ITPR2: variants seen among roughly 807,000 people sequenced by gnomAD.
The protein encoded by ITPR2 is inositol 1,4,5-trisphosphate-gated calcium channel ITPR2.
Under a neutral mutation model 317.1 loss-of-function variants are expected in ITPR2, and 207 were observed. The ratio of observed to expected loss-of-function variants is 0.65; its 90% CI spans 0.58 to 0.73. The LOEUF is 0.73. ITPR2 is among the 30% of genes least tolerant of loss of function. ITPR2 has a pLI of 0.00. For missense variants in ITPR2, 2,613 were observed against 3,284.0 expected, an observed-to-expected ratio of 0.80 and a Z score of 4.99; for synonymous variants, 1,156 against 1,149.1, an observed-to-expected ratio of 1.01 and a Z score of -0.12.
intron 34 of ITPR2, among the ~76,000 whole-genome samples, chr12:26,563,687 C>T (rs1404434938): frequency 6.6e-6 from 1 of 152,182 alleles, no homozygotes; most frequent in Non-Finnish European, 1.5e-5. Context: ...TCTGCCTCTG[C>T]TATACACACA....
At position 26,477,001 on chromosome 12, in the gene ITPR2, C is replaced by T. The variant is rs754299805; in HGVS notation, c.6130G>A (p.Ala2044Thr). The change falls in exon 44 of 57, where the codon GCA (alanine) becomes ACA (threonine). Residue 2044 changes from alanine to threonine, a missense_variant. Ala to Thr is a moderately conservative substitution (Grantham distance 58, BLOSUM62 0). Around this residue, in one of 9 missense-constraint regions of ITPR2, gnomAD observed 926 missense variants for 1,072.8 expected, o/e 0.86. Transcript: ENST00000381340. Reference sequence around the variant, plus strand: ...ATAATGGCCAGCAAAAGTTTAGATGCATTGTTCTAGAGACACAGATTGAGT... The same window carrying T: ...ATAATGGCCAGCAAAAGTTTAGATGTATTGTTCTAGAGACACAGATTGAGT... ...MDLVLQLKNNASKLLLAIMES... is the reference protein window; with the variant it reads ...MDLVLQLKNNTSKLLLAIMES... The T allele has an allele frequency of 6.2e-7, 1 of 1,605,766 alleles. No individual in the cohort carries two copies. The highest frequency in any genetic ancestry group is 8.5e-7 in the Non-Finnish European group (1 of 1,172,620).
intron 11 of ITPR2, among the ~76,000 whole-genome samples, chr12:26,685,852 C>A (rs937970872): frequency 6.6e-6 from 1 of 152,156 alleles, no homozygotes; most frequent in East Asian, 1.9e-4. Flanking sequence ...TCATTCAGAT[C>A]GTTATTCAAA....
chr12:26,795,810 C>G (rs1377363309), intron 1 of ITPR2, among the ~76,000 whole-genome samples: 1 of 152,076 alleles, frequency 6.6e-6, no homozygotes, highest in Non-Finnish European at 1.5e-5. Flanking sequence ...ATAGCAAAAC[C>G]CTATCGCTAC....
chr12:26,552,708 T>TTTTTTAA (rs1489868642), intron 36 of ITPR2, among the ~76,000 whole-genome samples: 161 of 152,334 alleles, frequency 1.1e-3, no homozygotes, highest in African/African-American at 3.6e-3. Context: ...GCAACACTTT[T>TTTTTTAA]TTTTTAATTT....
At chr12:26,414,920 G>A (rs1229156143) in intron 51 of ITPR2, among the ~76,000 whole-genome samples, 1 of 152,084 alleles carries the variant, frequency 6.6e-6, no homozygotes, top group African/African-American at 2.4e-5. Context: ...GATCAAACAT[G>A]TATGGAATAA....
Position 26,567,988 on chromosome 12 carries a change from ATATATATATTATATATATTATATATAT to A in ITPR2, c.4631-6063_4631-6037del, listed in dbSNP as rs1945040218. ...TATATATTATATATATTATATATAT[ATATATATATTATATATATTATATATAT>A]ATATATATATATATATAAAATGTCA... On this transcript the variant is annotated intron_variant, in intron 34 of 56. Transcript: ENST00000381340. 7.3e-4 allele frequency among the ~76,000 whole-genome samples: 82 copies of A among 111,856 alleles called. 8 individuals carry two copies. The highest frequency in any genetic ancestry group is 2.5e-3 in the African/African-American group (65 of 25,956). The allele number at this position is 111,856 out of a possible 152,430, so 73.4% of individuals were successfully genotyped here. A position where few individuals can be genotyped will look rare whatever the true frequency, so the allele number is the denominator to read the frequency against.
intron 47 of ITPR2, among the ~76,000 whole-genome samples, chr12:26,436,785 G>A (rs189059560): frequency 6.6e-6 from 1 of 152,182 alleles, no homozygotes; most frequent in East Asian, 1.9e-4. Flanking sequence ...CAAACCCATA[G>A]CACAGATATA....
chr12:26,789,378 T>G (rs539190816), intron 2 of ITPR2, among the ~76,000 whole-genome samples: 1 of 152,250 alleles, frequency 6.6e-6, no homozygotes, highest in Non-Finnish European at 1.5e-5. Context: ...CAATCTTCAC[T>G]TGGGCTGGTG....
At chr12:26,440,278 T>C (rs1370743184) in intron 46 of ITPR2, among the ~76,000 whole-genome samples, 1 of 152,146 alleles carries the variant, frequency 6.6e-6, no homozygotes, top group African/African-American at 2.4e-5. Context: ...GTTGTTGTTG[T>C]TGTTTTGGTT....
At position 26,384,182 on chromosome 12, in the gene ITPR2, C is replaced by G. The variant is rs534409073; in HGVS notation, c.7857+3252G>C. Among the ~76,000 whole-genome samples, 6 of 152,314 alleles carry G rather than the reference C, an allele frequency of 3.9e-5. No homozygotes were observed. The East Asian group carries it at 5.8e-4, about 15-fold the overall frequency. ...TTTGAACTGAACTGTAGATGTGCTT[C>G]AACTTTCCACGTGCTACAAAATCTT... On this transcript the variant is annotated intron_variant, in intron 55 of 56. Transcript: ENST00000381340.
intron 5 of ITPR2, among the ~76,000 whole-genome samples, chr12:26,717,520 A>G (rs1326739890): frequency 2.6e-5 from 4 of 152,240 alleles, no homozygotes; most frequent in Non-Finnish European, 5.9e-5. Flanking sequence ...CATCACGTCC[A>G]TAAGAAGTCA....
intron 55 of ITPR2, among the ~76,000 whole-genome samples, chr12:26,360,953 C>G (rs1262789738): frequency 6.6e-6 from 1 of 152,072 alleles, no homozygotes; most frequent in African/African-American, 2.4e-5. Context: ...ATGGCTCACG[C>G]CTGTAATCCC....
chr12:26,391,723 C>T (rs902523525), intron 54 of ITPR2, among the ~76,000 whole-genome samples: 21 of 151,758 alleles, frequency 1.4e-4, no homozygotes, highest in African/African-American at 5.1e-4. Flanking sequence ...TGCCACCACG[C>T]CCAATTAATT....
intron 37 of ITPR2, among the ~76,000 whole-genome samples, chr12:26,549,587 A>T (rs1316909403): frequency 1.3e-5 from 2 of 152,138 alleles, no homozygotes; most frequent in East Asian, 3.8e-4. Flanking sequence ...AGCTAAAAAA[A>T]ATTCTCTAGA....
chr12:26,492,459 C>CAAA (rs11300033), intron 39 of ITPR2, among the ~76,000 whole-genome samples: 22 of 142,602 alleles, frequency 1.5e-4, no homozygotes, highest in Admixed American at 5.6e-4. Context: ...TGCCCCCCAC[C>CAAA]AAAAAAAAAA....
chr12:26,711,237 G>T lies in ITPR2; in HGVS notation c.887C>A (p.Ala296Glu). The T allele has an allele frequency of 6.2e-7, 1 of 1,613,684 alleles. No homozygotes were observed. The highest frequency in any genetic ancestry group is 2.2e-5 in the East Asian group (1 of 44,848). ...VVHHDPCRGG[A>E]GQWNSLFRFK... Reference sequence around the variant, plus strand: ...TCTGAACAAGCTGTTCCACTGTCCTGCACCCCCACGGCATGGGTCATGATG... The same window carrying T: ...TCTGAACAAGCTGTTCCACTGTCCTTCACCCCCACGGCATGGGTCATGATG... The change falls in exon 9 of 57, where the codon GCA becomes GAA. Residue 296 changes from alanine to glutamate, a missense_variant. Physicochemically the swap from Ala to Glu is moderately radical, Grantham distance 107. This residue lies in a region of ITPR2 where 515 missense variants were observed against 789.4 expected (regional missense o/e 0.65). Transcript: ENST00000381340.
At chr12:26,451,188 G>A (rs1941731961) in intron 45 of ITPR2, among the ~76,000 whole-genome samples, 2 of 152,168 alleles carry the variant, frequency 1.3e-5, no homozygotes, top group African/African-American at 4.8e-5. Flanking sequence ...AAATGTGGCA[G>A]TGGACAGAAA....
intron 2 of ITPR2, among the ~76,000 whole-genome samples, chr12:26,756,087 G>A (rs775182189): frequency 6.6e-6 from 1 of 152,110 alleles, no homozygotes. Context: ...TATTCTTGCT[G>A]CACTTATACA....
Position 26,575,041 on chromosome 12 carries a change from C to T in ITPR2, c.4630+3672G>A, listed in dbSNP as rs1035827308. Among the ~76,000 whole-genome samples, 4 of 150,692 alleles carry T rather than the reference C, an allele frequency of 2.7e-5. No individual in the cohort carries two copies. The East Asian group carries it at 5.8e-4, about 22-fold the overall frequency. On this transcript the variant is annotated intron_variant, in intron 34 of 56. Transcript: ENST00000381340. ...AGACACTAAGAAAGGCATACGTGGACGAATGGGGTGAGTTCAGATTTGGAT... is the reference window on the plus strand; with the variant it reads ...AGACACTAAGAAAGGCATACGTGGATGAATGGGGTGAGTTCAGATTTGGAT...
Sources: gnomAD v4.1 joint callset for allele counts (sites outside exome capture counted in the v4.1 genomes callset) on GRCh38, gnomAD v4.1.1 for gene constraint, gnomAD v4.1.1 regional missense constraint, MANE v1.5 for transcripts, NCBI Gene and HGNC (gene_info 2026-07-23, HGNC 2026-07-21) for gene names.